Variants in UBIAD1 observed in about 807,000 individuals in gnomAD.
UBIAD1 encodes UbiA prenyltransferase domain containing 1, also known as ubiA prenyltransferase domain-containing protein 1.
Under a neutral mutation model 20.1 loss-of-function variants are expected in UBIAD1, and 12 were observed. That is an observed-to-expected ratio of 0.60 (90% CI 0.38 to 0.97). The LOEUF is 0.97. Ranked by LOEUF, UBIAD1 falls within the 50% of genes least tolerant of loss-of-function variation. UBIAD1 has a pLI of 0.00. For missense variants in UBIAD1, 333 were observed against 419.5 expected (o/e 0.79, Z 1.80); for synonymous variants, 207 against 189.2 (o/e 1.09, Z -0.77).
downstream of UBIAD1, among the ~76,000 whole-genome samples, chr1:11,298,402 T>C (rs1638479716): frequency 1.3e-5 from 2 of 151,880 alleles, no homozygotes; most frequent in African/African-American, 4.8e-5. The surrounding 1 kb of genome is among the most constrained non-coding windows in gnomAD (Gnocchi z 4.0). Flanking sequence ...AACCCATCTC[T>C]ACTAAAAATA....
chr1:11,281,825 A>G (rs1020782277), intron 1 of UBIAD1, among the ~76,000 whole-genome samples: 1 of 152,010 alleles, frequency 6.6e-6, no homozygotes, highest in Non-Finnish European at 1.5e-5. Context: ...TTCACTATGA[A>G]CTATGTATGT....
chr1:11,273,268 G>T lies in UBIAD1; in HGVS notation c.-264G>T. The T allele has an allele frequency of 1.9e-6, 1 of 515,012 alleles. No individual in the cohort carries two copies. Among genetic ancestry groups the T allele is most frequent in the Non-Finnish European group, 3.5e-6 (1 of 286,568 alleles). 31.9% of individuals were successfully genotyped at this position (515,012 alleles called of 1,614,324 possible). A position where few individuals can be genotyped will look rare whatever the true frequency, so the allele number is the denominator to read the frequency against. On this transcript the variant is annotated 5_prime_UTR_variant, in exon 1 of 2. Transcript: ENST00000376810. The surrounding 1 kb of genome is among the most constrained non-coding windows in gnomAD (Gnocchi z 4.9). ...TGGCGGCCTAAAGAAGGCGGCCGCG[G>T]CTCAGCCGTGGGCTCTAACGCGGGG...
In UBIAD1 at chr1:11,285,237, G is replaced by A. The variant is rs1471919458; in HGVS notation, c.530-407G>A. ...AGGCCAGAGTGGCTATTCTGTGAGG[G>A]ATTGATCTCACGGGGTCTTGCAGGG... On this transcript the variant is annotated intron_variant, in intron 1 of 1. Coordinates refer to ENST00000376810, the MANE Select transcript of UBIAD1 (RefSeq NM_013319.3). The surrounding 1 kb of genome is among the most constrained non-coding windows in gnomAD (Gnocchi z 4.4). Among the ~76,000 whole-genome samples, 2 of 152,174 alleles carry A rather than the reference G, an allele frequency of 1.3e-5. No individual in the cohort carries two copies. Among genetic ancestry groups the A allele is most frequent in the African/African-American group, 4.8e-5 (2 of 41,434 alleles).
At chr1:11,278,943 C>T (rs1393711524) in intron 1 of UBIAD1, 2 of 216,832 alleles carry the variant, frequency 9.2e-6, no homozygotes, top group Non-Finnish European at 1.8e-5. Flanking sequence ...CGGCTCACTG[C>T]AACCTCTGCT....
chr1:11,296,297 G>C (rs757991228), downstream of UBIAD1, among the ~76,000 whole-genome samples: 1 of 152,172 alleles, frequency 6.6e-6, no homozygotes, highest in Non-Finnish European at 1.5e-5. Context: ...GGGCTTTCGA[G>C]TCTGGCAGCA....
chr1:11,283,717 C>G (rs1055423369), intron 1 of UBIAD1, among the ~76,000 whole-genome samples: 9 of 152,052 alleles, frequency 5.9e-5, no homozygotes, highest in African/African-American at 2.2e-4. Context: ...GGATCTTGTT[C>G]CTTAGCTCCT....
downstream of UBIAD1, among the ~76,000 whole-genome samples, chr1:11,291,040 G>A (rs1222420278): frequency 6.6e-6 from 1 of 152,150 alleles, no homozygotes; most frequent in Non-Finnish European, 1.5e-5. Flanking sequence ...TCAGTAATGA[G>A]CTCCAACTTC....
intron 1 of UBIAD1, among the ~76,000 whole-genome samples, chr1:11,282,128 A>G (rs1204349364): frequency 6.6e-6 from 1 of 152,196 alleles, no homozygotes; most frequent in African/African-American, 2.4e-5. Context: ...GCTGGGTCAC[A>G]GGGCAGATGA....
In UBIAD1 at chr1:11,285,511, G is replaced by T; in HGVS notation, c.530-133G>T. 1 of 1,377,078 alleles carries T rather than the reference G, an allele frequency of 7.3e-7. No homozygotes were observed. Among genetic ancestry groups the T allele is most frequent in the African/African-American group, 1.4e-5 (1 of 70,236 alleles). 85.3% of individuals were successfully genotyped at this position (1,377,078 alleles called of 1,614,324 possible). A position where few individuals can be genotyped will look rare whatever the true frequency, so the allele number is the denominator to read the frequency against. On this transcript the variant is annotated intron_variant, in intron 1 of 1. Transcript: ENST00000376810. This position sits in a 1 kb window ranked among gnomAD's most constrained non-coding sequence, Gnocchi z 4.4. ...AATTTGCTCTGTGGGGTTAAGGGAT[G>T]AAATGAGTGCCCACCTGCACAGTCT...
At chr1:11,275,856 G>A (rs1431188199) in intron 1 of UBIAD1, among the ~76,000 whole-genome samples, 2 of 152,268 alleles carry the variant, frequency 1.3e-5, no homozygotes, top group Middle Eastern at 6.8e-3. Flanking sequence ...AGTGCCATAG[G>A]CCTTCAGGCA....
rs1181261485 is a variant in UBIAD1 at position 11,284,196 on chromosome 1, G to A, written c.530-1448G>A. Among the ~76,000 whole-genome samples, 8 of 152,336 alleles carry A rather than the reference G, an allele frequency of 5.3e-5. No individual in the cohort carries two copies. The East Asian group carries it at 1.2e-3, about 22-fold the overall frequency. ...GCAAGGGGATCAAATGTGGCTTAGG[G>A]GTGAGAGGAGGTGGTCCTGGGGAAT... On this transcript the variant is annotated intron_variant, in intron 1 of 1. Transcript: ENST00000376810.
chr1:11,292,221 T>C, downstream of UBIAD1: 1 of 152,284 alleles, frequency 6.6e-6, no homozygotes, highest in Non-Finnish European at 1.5e-5. Context: ...GCCAGGCTGG[T>C]TTTGAACTCC....
At chr1:11,288,640 G>T (rs78561465), downstream of UBIAD1, among the ~76,000 whole-genome samples, 1,137 of 152,310 alleles carry the variant, frequency 7.5e-3, 10 homozygotes, top group Non-Finnish European at 0.011. Context: ...GGGCATGGTG[G>T]CTCACGCTTG....
intron 1 of UBIAD1, among the ~76,000 whole-genome samples, chr1:11,293,958 C>T (rs1425149981): frequency 6.6e-6 from 1 of 152,198 alleles, no homozygotes; most frequent in Non-Finnish European, 1.5e-5. Flanking sequence ...CAGGCATGAG[C>T]CACTGTGCCT....
chr1:11,291,697 G>A (rs1638370432), downstream of UBIAD1, among the ~76,000 whole-genome samples: 1 of 152,014 alleles, frequency 6.6e-6, no homozygotes, highest in Non-Finnish European at 1.5e-5. Flanking sequence ...ACGCGTGTGT[G>A]TTTGCATTGG....
At chr1:11,290,205 G>T (rs1638346760), downstream of UBIAD1, among the ~76,000 whole-genome samples, 1 of 152,184 alleles carries the variant, frequency 6.6e-6, no homozygotes, top group South Asian at 2.1e-4. Flanking sequence ...TGCTCCCCAG[G>T]CAGGTGGCTG....
intron 1 of UBIAD1, among the ~76,000 whole-genome samples, chr1:11,284,105 T>C (rs1652329955): frequency 6.6e-6 from 1 of 151,892 alleles, no homozygotes; most frequent in Non-Finnish European, 1.5e-5. Context: ...GTGAGAAAGG[T>C]GGAGATTAAT....
intron 1 of UBIAD1, among the ~76,000 whole-genome samples, chr1:11,283,243 A>G (rs759587987): frequency 6.8e-4 from 104 of 152,250 alleles, no homozygotes; most frequent in Non-Finnish European, 1.3e-3. Flanking sequence ...GTGCTGTTGC[A>G]TTTTCTTTCA....
downstream of UBIAD1, among the ~76,000 whole-genome samples, chr1:11,299,146 C>T (rs945929660): frequency 1.3e-5 from 2 of 152,234 alleles, no homozygotes; most frequent in Non-Finnish European, 2.9e-5. Context: ...CCACTGCCTG[C>T]CCTGGGTCAT....
Sources: allele counts gnomAD v4.1 joint callset (sites outside exome capture counted in the v4.1 genomes callset), GRCh38; gene constraint gnomAD v4.1.1; non-coding constraint Gnocchi (gnomAD v3.1); transcripts MANE v1.5; gene names NCBI Gene and HGNC (gene_info 2026-07-23, HGNC 2026-07-21).